Variants in CD101 observed in about 807,000 individuals in gnomAD.
The protein encoded by CD101 is CD101 molecule, also known as immunoglobulin superfamily member 2.
In CD101, 76 loss-of-function variants were observed where a neutral mutation model predicts 98.2. The observed-to-expected ratio is 0.77, with a 90% CI of 0.64 to 0.94. The LOEUF (loss-of-function observed/expected upper bound fraction) is 0.94. Among genes scored for constraint, CD101 ranks in the 40% least tolerant of loss-of-function variants. The probability of loss-of-function intolerance (pLI) is 0.00; values close to 1 mark genes in which losing one functional copy is unlikely to be tolerated. For synonymous variants in CD101, 471 were observed against 472.7 expected (o/e 1.00, Z 0.05); for missense variants, 1,145 against 1,218.8 (o/e 0.94, Z 0.90).
At chr1:117,011,256 T>C (rs753752630) in intron 2 of CD101, among the ~76,000 whole-genome samples, 2 of 152,176 alleles carry the variant, frequency 1.3e-5, no homozygotes, top group Non-Finnish European at 2.9e-5. Context: ...CTTTCTCCCT[T>C]TAAATACATG....
intron 6 of CD101, among the ~76,000 whole-genome samples, chr1:117,020,936 G>C (rs187598458): frequency 6.5e-4 from 99 of 152,342 alleles, no homozygotes; most frequent in African/African-American, 2.3e-3. Flanking sequence ...TCATCTTTCT[G>C]ACAAAGCAGA....
intron 8 of CD101, 61 bp downstream of exon 8, chr1:117,025,965 T>A: frequency 6.7e-7 from 1 of 1,499,260 alleles, no homozygotes. Flanking sequence ...TCTCCTCTTA[T>A]CCTCTCCCTC....
chr1:117,027,373 G>T (rs763432368), intron 8 of CD101, among the ~76,000 whole-genome samples: 1 of 152,182 alleles, frequency 6.6e-6, no homozygotes, highest in Non-Finnish European at 1.5e-5. Context: ...AACATAACAG[G>T]TGTCATCAAA....
chr1:117,011,662 C>T lies in CD101; in HGVS notation c.537C>T (p.His179=). 1 of 1,614,214 alleles carries T rather than the reference C, an allele frequency of 6.2e-7. No homozygotes were observed. Among genetic ancestry groups the T allele is most frequent in the Non-Finnish European group, 8.5e-7 (1 of 1,180,036 alleles). The change falls in exon 3 of 10, where the codon CAC becomes CAT. Residue 179 remains histidine, a synonymous_variant. Transcript: ENST00000682167. ...CCAAAGCCACAGCCCAACATACTCA[C>T]CTCTCTGTCACCTGGTACCTAACAC... ...EASKATAQHT[H]LSVTWYLTQD...
At chr1:117,028,124 G>A (rs2764875) in intron 8 of CD101, among the ~76,000 whole-genome samples, 145,162 of 151,298 alleles carry the variant, frequency 0.96, 69,914 homozygotes, top group East Asian at 1. Context: ...AATAAAATAA[G>A]TGAATTGGAG....
At position 117,013,873 on chromosome 1, in the gene CD101, A is replaced by G. The variant is rs947502926; in HGVS notation, c.1228+81A>G. 9.4e-6 allele frequency: 13 copies of G among 1,383,656 alleles called. No individual in the cohort carries two copies. The East Asian group carries it at 1.2e-4, about 13-fold the overall frequency. The allele number at this position is 1,383,656 out of a possible 1,614,324, so 85.7% of individuals were successfully genotyped here. A position where few individuals can be genotyped will look rare whatever the true frequency, so the allele number is the denominator to read the frequency against. ...AGTGGAAGACCCCTTCGTGGATACA[A>G]TGGGGATCTTCATGAAGAGCAGGTT... On this transcript the variant is annotated intron_variant, in intron 4 of 9. Coordinates refer to ENST00000682167, the MANE Select transcript of CD101 (RefSeq NM_001256106.3).
chr1:117,008,639 C>T (rs1652684095), intron 1 of CD101, among the ~76,000 whole-genome samples: 1 of 152,076 alleles, frequency 6.6e-6, no homozygotes, highest in East Asian at 1.9e-4. Flanking sequence ...CCCTCCTATC[C>T]CTTAGAATTA....
Position 117,009,827 on chromosome 1 carries a change from CCTTT to C in CD101, c.44-16_44-13del. ...TGGAACACTAATCTCTTTTTATTCC[CCTTT>C]CTTTCTCCTACTTACAAGCTAAGCT... On this transcript the variant is annotated intron_variant, in intron 1 of 9. Transcript: ENST00000682167. 1.3e-6 allele frequency: 2 copies of C among 1,568,840 alleles called. No individual in the cohort carries two copies. The highest frequency in any genetic ancestry group is 1.7e-6 in the Non-Finnish European group (2 of 1,152,794).
In CD101 at chr1:117,023,061, C is replaced by T. The variant is rs941436798; in HGVS notation, c.2428+1078C>T. Among the ~76,000 whole-genome samples, 3 of 152,330 alleles carry T rather than the reference C, an allele frequency of 2.0e-5. No homozygotes were observed. Among genetic ancestry groups the T allele is most frequent in the African/African-American group, 4.8e-5 (2 of 41,590 alleles). On this transcript the variant is annotated intron_variant, in intron 7 of 9. Transcript: ENST00000682167. The surrounding 1 kb of genome is among the most constrained non-coding windows in gnomAD (Gnocchi z 4.4). ...ATAACTCTGAGATTTTGTGCTTAGC[C>T]CTGATCTCCTGAGCTCCAAGCCTTC...
At position 117,023,190 on chromosome 1, in the gene CD101, T is replaced by C. The variant is rs1380837427; in HGVS notation, c.2428+1207T>C. ...CCATCTCACCATGCTCATTTGCACT[T>C]CTGCATTTCCCATCTGTGTGATTGG... On this transcript the variant is annotated intron_variant, in intron 7 of 9. Transcript: ENST00000682167. This position sits in a 1 kb window ranked among gnomAD's most constrained non-coding sequence, Gnocchi z 4.4. 1.3e-5 allele frequency among the ~76,000 whole-genome samples: 2 copies of C among 152,178 alleles called. No homozygotes were observed. The highest frequency in any genetic ancestry group is 2.9e-5 in the Non-Finnish European group (2 of 68,028).
rs995049974 is a variant in CD101 at position 117,033,174 on chromosome 1, A to C, written c.2825-686A>C. The C allele has an allele frequency of 3.3e-5, 5 of 152,980 alleles. No individual in the cohort carries two copies. Among genetic ancestry groups the C allele is most frequent in the Non-Finnish European group, 7.3e-5 (5 of 68,640 alleles). The allele number at this position is 152,980 out of a possible 1,614,324, so 9.5% of individuals were successfully genotyped here. On this transcript the variant is annotated intron_variant, in intron 8 of 9. Transcript: ENST00000682167. This position sits in a 1 kb window ranked among gnomAD's most constrained non-coding sequence, Gnocchi z 4.8. ...GAACTGTGCCTGCAGCAAGGTAGGAAGAGCTGAGAGAGTAGGAAGTGTGAT... is the reference window on the plus strand; with the variant it reads ...GAACTGTGCCTGCAGCAAGGTAGGACGAGCTGAGAGAGTAGGAAGTGTGAT...
In CD101 at chr1:117,017,543, G is replaced by A. The variant is rs76658575; in HGVS notation, c.1612+70G>A. ...ATTCATTCTGCAGTGGAACTGGATT[G>A]CGTGTTATCCTGAATCCCCCAGTGA... On this transcript the variant is annotated intron_variant, in intron 5 of 9. Transcript: ENST00000682167. 8.5e-3 allele frequency: 12,631 copies of A among 1,491,866 alleles called. 945 individuals carry two copies. In the African/African-American group the frequency reaches 0.16, roughly 19 times the overall value. 92.4% of individuals were successfully genotyped at this position (1,491,866 alleles called of 1,614,324 possible). A position where few individuals can be genotyped will look rare whatever the true frequency, so the allele number is the denominator to read the frequency against.
chr1:117,029,196 AAAGAAAG>A (rs1654199478), intron 8 of CD101, among the ~76,000 whole-genome samples: 3 of 74,938 alleles, frequency 4.0e-5, no homozygotes, highest in African/African-American at 1.9e-4. Flanking sequence ...AGAAAGAAAG[AAAGAAAG>A]AAAAGAAAGA....
In CD101 at chr1:117,024,379, A is replaced by C. The variant is rs564551914; in HGVS notation, c.2429-1130A>C. Among the ~76,000 whole-genome samples, 6 of 152,338 alleles carry C rather than the reference A, an allele frequency of 3.9e-5. No homozygotes were observed. In the South Asian group the frequency reaches 1.2e-3, roughly 32 times the overall value. On this transcript the variant is annotated intron_variant, in intron 7 of 9. Coordinates refer to ENST00000682167, the MANE Select transcript of CD101 (RefSeq NM_001256106.3). Reference sequence around the variant, plus strand: ...GTAATCCCAACTGCTCGGGAGGCTGAGGCAGGATAATCGCTTGAACCCGGG... The same window carrying C: ...GTAATCCCAACTGCTCGGGAGGCTGCGGCAGGATAATCGCTTGAACCCGGG...
Position 117,025,918 on chromosome 1 carries a change from T to G in CD101, c.2824+14T>G. 1 of 1,591,856 alleles carries G rather than the reference T, an allele frequency of 6.3e-7. No homozygotes were observed. Among genetic ancestry groups the G allele is most frequent in the Non-Finnish European group, 8.6e-7 (1 of 1,164,996 alleles). On this transcript the variant is annotated intron_variant, in intron 8 of 9. Transcript: ENST00000682167. Reference sequence around the variant, plus strand: ...TGCTGCCTTCAGGTAACCAGGGGTTTATCTACCGCGAGCTCATGGTCAGGA... The same window carrying G: ...TGCTGCCTTCAGGTAACCAGGGGTTGATCTACCGCGAGCTCATGGTCAGGA...
rs746914079 is a variant in CD101, at chr1:117,018,256, C to G, written c.1713C>G (p.Leu571=). The G allele has an allele frequency of 1.2e-6, 2 of 1,614,230 alleles. No individual in the cohort carries two copies. The highest frequency in any genetic ancestry group is 2.2e-5 in the South Asian group (2 of 91,088). The change falls in exon 6 of 10, where the codon CTC becomes CTG. Residue 571 remains leucine (L), a synonymous_variant. Transcript: ENST00000682167. This position sits in a 1 kb window ranked among gnomAD's most constrained non-coding sequence, Gnocchi z 4.3. The stretch of plus-strand genomic sequence containing the variant: ...TCGTGAGGGCCGGTTACTCTGACCT[C>G]AAGGTGCCACTCACTGTGACGTGGC... ...SCVVRAGYSD[L]KVPLTVTWQF...
chr1:117,017,536 C>A, intron 5 of CD101, 63 bp downstream of exon 5: 1 of 1,518,396 alleles, frequency 6.6e-7, no homozygotes, highest in Non-Finnish European at 8.9e-7. Context: ...TGCAGTGGAA[C>A]TGGATTGCGT....
Position 117,018,531 on chromosome 1 carries a change from A to C in CD101, c.1988A>C (p.His663Pro). The C allele has an allele frequency of 6.2e-7, 1 of 1,606,050 alleles. No individual in the cohort carries two copies. The highest frequency in any genetic ancestry group is 8.5e-7 in the Non-Finnish European group (1 of 1,173,992). The change falls in exon 6 of 10, where the codon CAC (histidine) becomes CCC (proline). Residue 663 changes from histidine (H) to proline (P), a missense_variant. His to Pro is a moderately conservative substitution (Grantham distance 77). Coordinates refer to ENST00000682167, the MANE Select transcript of CD101 (RefSeq NM_001256106.3). This position sits in a 1 kb window ranked among gnomAD's most constrained non-coding sequence, Gnocchi z 4.3. ...CCCCCGAGGGCTTCTGCCATCTCTC[A>C]CCCACTGAGGATAGCCGTCACTTTA... is the stretch of plus-strand genomic sequence containing the variant. ...NRPPRASAIS[H>P]PLRIAVTLPE...
At chr1:117,029,684 G>A (rs1654320328) in intron 8 of CD101, among the ~76,000 whole-genome samples, 3 of 152,222 alleles carry the variant, frequency 2.0e-5, no homozygotes, top group Non-Finnish European at 2.9e-5. Context: ...TGAGTACCAG[G>A]TCTATGTGTT....
Sources: allele counts gnomAD v4.1 joint callset (sites outside exome capture counted in the v4.1 genomes callset), GRCh38; gene constraint gnomAD v4.1.1; non-coding constraint Gnocchi (gnomAD v3.1); transcripts MANE v1.5; gene names NCBI Gene and HGNC (gene_info 2026-07-23, HGNC 2026-07-21).